PTPRO: variants seen among roughly 807,000 people sequenced by gnomAD.
The protein encoded by PTPRO is protein tyrosine phosphatase receptor type O, also known as receptor-type tyrosine-protein phosphatase O.
Under a neutral mutation model 145.2 loss-of-function variants are expected in PTPRO, and 62 were observed. The ratio of observed to expected loss-of-function variants is 0.43; its 90% CI spans 0.35 to 0.53. The LOEUF (loss-of-function observed/expected upper bound fraction) is 0.53, where lower values mean the gene tolerates loss of function less well. PTPRO is among the 20% of genes least tolerant of loss of function. The pLI is 0.01. For synonymous variants in PTPRO, 565 were observed against 514.7 expected (o/e 1.10, Z -1.32); for missense variants, 1,345 against 1,482.7 (o/e 0.91, Z 1.53).
At chr12:15,409,847 C>A (rs899463972) in intron 1 of PTPRO, among the ~76,000 whole-genome samples, 1 of 152,148 alleles carries the variant, frequency 6.6e-6, no homozygotes, top group African/African-American at 2.4e-5. Flanking sequence ...AGAAATCTAC[C>A]CCCATGACCC....
intron 10 of PTPRO, among the ~76,000 whole-genome samples, chr12:15,520,970 G>A (rs1942705903): frequency 6.6e-6 from 1 of 152,108 alleles, no homozygotes; most frequent in Admixed American, 6.6e-5. Flanking sequence ...AAAACAATTA[G>A]TCTTAGATCC....
At chr12:15,499,304 A>T (rs1051116331) in intron 3 of PTPRO, 138 bp from the exon 4 acceptor site, 9 of 863,244 alleles carry the variant, frequency 1.0e-5, no homozygotes, top group African/African-American at 1.7e-5. Context: ...CCTTCTACTA[A>T]CTCTTTATTA....
chr12:15,491,935 G>C (rs551111943), intron 2 of PTPRO, among the ~76,000 whole-genome samples: 13 of 146,542 alleles, frequency 8.9e-5, no homozygotes, highest in African/African-American at 3.2e-4. Flanking sequence ...GATTCTTCCT[G>C]TTTGACAAAC....
At chr12:15,333,806 T>C (rs78056576) in intron 1 of PTPRO, among the ~76,000 whole-genome samples, 4 of 152,096 alleles carry the variant, frequency 2.6e-5, no homozygotes, top group East Asian at 1.9e-4. Flanking sequence ...CCCTTTTTTT[T>C]CTCTTTATTT....
intron 1 of PTPRO, among the ~76,000 whole-genome samples, chr12:15,463,580 A>G (rs1941352648): frequency 6.6e-6 from 1 of 152,196 alleles, no homozygotes; most frequent in African/African-American, 2.4e-5. Flanking sequence ...TATAACCAGA[A>G]AAGATGCAAA....
At chr12:15,377,528 TA>T (rs150419447) in intron 1 of PTPRO, among the ~76,000 whole-genome samples, 22,426 of 151,874 alleles carry the variant, frequency 0.15, 3,737 homozygotes, top group African/African-American at 0.41. Flanking sequence ...AGGAAAAATA[TA>T]AATAATTTAA....
intron 2 of PTPRO, among the ~76,000 whole-genome samples, chr12:15,487,215 T>C (rs1027583804): frequency 7.9e-5 from 12 of 152,118 alleles, no homozygotes; most frequent in African/African-American, 2.9e-4. Flanking sequence ...AGATGGGACA[T>C]TCTTGACATT....
chr12:15,447,985 C>T (rs889705774), intron 1 of PTPRO, among the ~76,000 whole-genome samples: 3 of 152,030 alleles, frequency 2.0e-5, no homozygotes, highest in Non-Finnish European at 2.9e-5. Flanking sequence ...AGTGAAATTG[C>T]TTCTGTTATC....
chr12:15,518,335 C>G (rs1942642731), intron 9 of PTPRO, among the ~76,000 whole-genome samples: 1 of 152,212 alleles, frequency 6.6e-6, no homozygotes, highest in African/African-American at 2.4e-5. Flanking sequence ...GTACACAGCA[C>G]AGGGACCCTG....
At chr12:15,364,905 T>C (rs1364016581) in intron 1 of PTPRO, among the ~76,000 whole-genome samples, 2 of 152,180 alleles carry the variant, frequency 1.3e-5, no homozygotes, top group Non-Finnish European at 2.9e-5. Context: ...CTAATATCAG[T>C]TCATTACAGT....
chr12:15,514,367 G>C (rs1368452405), intron 7 of PTPRO, among the ~76,000 whole-genome samples: 1 of 149,490 alleles, frequency 6.7e-6, no homozygotes, highest in East Asian at 2.0e-4. Context: ...CAGGAGAAAT[G>C]CTTGAACCCG....
chr12:15,567,519 C>A (rs1174301828), intron 18 of PTPRO, among the ~76,000 whole-genome samples: 1 of 152,016 alleles, frequency 6.6e-6, no homozygotes, highest in African/African-American at 2.4e-5. Context: ...TCTCTCTTTT[C>A]CCTCTGCTTC....
At chr12:15,533,354 A>G (rs1351377549) in intron 12 of PTPRO, among the ~76,000 whole-genome samples, 2 of 152,174 alleles carry the variant, frequency 1.3e-5, no homozygotes, top group Non-Finnish European at 2.9e-5. Context: ...AGACAAGACA[A>G]TCTTTTTATG....
chr12:15,486,994 A>T (rs1591644840), intron 2 of PTPRO, among the ~76,000 whole-genome samples: 1 of 152,142 alleles, frequency 6.6e-6, no homozygotes, highest in Non-Finnish European at 1.5e-5. Flanking sequence ...AGTTCTTCCC[A>T]TGATAGGCTG....
At chr12:15,499,305 C>T (rs1314389838) in intron 3 of PTPRO, 137 bp from the exon 4 acceptor site, 1 of 871,540 alleles carries the variant, frequency 1.1e-6, no homozygotes, top group Non-Finnish European at 1.8e-6. Context: ...CTTCTACTAA[C>T]TCTTTATTAC....
At chr12:15,353,304 G>T (rs1006804888) in intron 1 of PTPRO, among the ~76,000 whole-genome samples, 4 of 151,890 alleles carry the variant, frequency 2.6e-5, no homozygotes, top group African/African-American at 9.7e-5. Flanking sequence ...AGATGAACTT[G>T]TTTTTCAACA....
At chr12:15,512,905 A>C (rs1942471109) in intron 7 of PTPRO, among the ~76,000 whole-genome samples, 1 of 152,014 alleles carries the variant, frequency 6.6e-6, no homozygotes, top group African/African-American at 2.4e-5. Context: ...GAAGCACAAG[A>C]ATCACGTGAA....
chr12:15,428,390 G>A (rs1420944643), intron 1 of PTPRO, among the ~76,000 whole-genome samples: 1 of 152,100 alleles, frequency 6.6e-6, no homozygotes, highest in Admixed American at 6.5e-5. Flanking sequence ...TCATTTGTGG[G>A]AGGAGAATAC....
intron 1 of PTPRO, chr12:15,440,397 C>A: frequency 3.2e-6 from 1 of 312,042 alleles, no homozygotes; most frequent in East Asian, 7.3e-5. Context: ...GCTGTGGCTA[C>A]AACATAGGAT....
Sources: gnomAD v4.1 joint callset for allele counts (sites outside exome capture counted in the v4.1 genomes callset) on GRCh38, gnomAD v4.1.1 for gene constraint, MANE v1.5 for transcripts, NCBI Gene and HGNC (gene_info 2026-07-23, HGNC 2026-07-21) for gene names.